SP4: variants seen among roughly 807,000 people sequenced by gnomAD.
SP4 encodes the protein transcription factor Sp4.
SP4 carries 19 observed loss-of-function variants against 72.8 expected under a neutral mutation model. The observed-to-expected ratio is 0.26, with a 90% CI of 0.18 to 0.38. The LOEUF (loss-of-function observed/expected upper bound fraction) is 0.38, where lower values mean the gene tolerates loss of function less well. SP4 is among the 10% of genes least tolerant of loss of function. The pLI is 1.00. For synonymous variants in SP4, 395 were observed against 333.1 expected (o/e 1.19, Z -2.02); for missense variants, 1,008 against 926.3 (o/e 1.09, Z -1.14).
intron 5 of SP4, among the ~76,000 whole-genome samples, chr7:21,495,593 T>C (rs1781685749): frequency 6.6e-6 from 1 of 152,146 alleles, no homozygotes; most frequent in South Asian, 2.1e-4. Flanking sequence ...CATGAGAACA[T>C]GGTAACTGCA....
At chr7:21,449,227 G>C (rs1002432457) in intron 3 of SP4, among the ~76,000 whole-genome samples, 7 of 152,280 alleles carry the variant, frequency 4.6e-5, no homozygotes, top group Non-Finnish European at 1.0e-4. Context: ...CCTGTTCCTT[G>C]TGGTGGAAAC....
intron 3 of SP4, among the ~76,000 whole-genome samples, chr7:21,475,038 C>G (rs984966988): frequency 8.6e-5 from 13 of 151,870 alleles, no homozygotes; most frequent in African/African-American, 2.9e-4. Flanking sequence ...ATTGCCTCTT[C>G]TTGGTTGCCC....
At chr7:21,455,615 T>C (rs954237719) in intron 3 of SP4, among the ~76,000 whole-genome samples, 1 of 152,194 alleles carries the variant, frequency 6.6e-6, no homozygotes, top group African/African-American at 2.4e-5. Flanking sequence ...TTGAGAACAT[T>C]GGAGACACCA....
chr7:21,432,050 C>G (rs1782876400), intron 3 of SP4, among the ~76,000 whole-genome samples: 2 of 152,196 alleles, frequency 1.3e-5, no homozygotes, highest in African/African-American at 4.8e-5. Context: ...GCAGAACTGT[C>G]TGTGATGTTG....
rs1255482922 is a variant in SP4, at chr7:21,511,152, A to G, written c.2238A>G (p.Glu746=). ...GTALAIVTSG[E]LDSSVTEVLG... is the part of the protein sequence containing the mutation. The stretch of plus-strand genomic sequence containing the variant: ...CTCTTGCCATTGTTACCTCGGGAGA[A>G]CTGGACTCATCTGTTACAGAGGTGC... Residue 746 remains glutamate (E), a synonymous_variant, in exon 6 of 6, where the codon GAA becomes GAG. Transcript: ENST00000222584. The G allele has an allele frequency of 1.2e-6, 2 of 1,614,126 alleles. No homozygotes were observed. Among genetic ancestry groups the G allele is most frequent in the Non-Finnish European group, 1.7e-6 (2 of 1,180,046 alleles).
rs769380589 is a variant in SP4 at position 21,430,143 on chromosome 7, C to T, written c.978C>T (p.Thr326=). 6.2e-7 allele frequency: 1 copy of T among 1,614,208 alleles called. No homozygotes were observed. The highest frequency in any genetic ancestry group is 1.1e-5 in the South Asian group (1 of 91,086). ...ESPSSSTTCT[T]TASTSLTSSD... ...CCTCCTCCTCCACTACCTGCACAAC[C>T]ACTGCTTCAACGTCTTTGACAAGCA... Residue 326 remains threonine (T), a synonymous_variant, in exon 3 of 6, where the codon ACC becomes ACT. Transcript: ENST00000222584.
intron 3 of SP4, among the ~76,000 whole-genome samples, chr7:21,471,476 A>G (rs777126830): frequency 2.0e-5 from 3 of 152,196 alleles, no homozygotes; most frequent in Non-Finnish European, 2.9e-5. Flanking sequence ...CAGCTCTGTC[A>G]CTTTTCCATT....
At chr7:21,490,547 A>G (rs188732952) in intron 5 of SP4, among the ~76,000 whole-genome samples, 31 of 152,338 alleles carry the variant, frequency 2.0e-4, no homozygotes, top group African/African-American at 7.0e-4. Flanking sequence ...AGTGCAGAAC[A>G]TTATGGGAGC....
chr7:21,490,623 A>C (rs910741501), intron 5 of SP4, among the ~76,000 whole-genome samples: 1 of 152,204 alleles, frequency 6.6e-6, no homozygotes, highest in African/African-American at 2.4e-5. Context: ...TTGGAAAGGC[A>C]TAGGGGAAAT....
Position 21,430,319 on chromosome 7 carries a change from A to C in SP4, c.1154A>C (p.Asn385Thr), listed in dbSNP as rs970598602. The C allele has an allele frequency of 6.2e-7, 1 of 1,614,232 alleles. No individual in the cohort carries two copies. Among genetic ancestry groups the C allele is most frequent in the South Asian group, 1.1e-5 (1 of 91,084 alleles). The change falls in exon 3 of 6, where the codon AAT becomes ACT. Residue 385 changes from asparagine (N) to threonine (T), a missense_variant. By Grantham distance (65) the Asn-to-Thr change is moderately conservative. Around this residue, in one of 3 missense-constraint regions of SP4, gnomAD observed 893 missense variants for 743.3 expected, o/e 1.20. Transcript: ENST00000222584. ...CAGCTTCAGCCTAATGGAATGCAGA[A>C]TGCACAGGATCAATCAAATTCTCTT... is the stretch of plus-strand genomic sequence containing the variant. ...SSQLQPNGMQ[N>T]AQDQSNSLQQ...
intron 3 of SP4, among the ~76,000 whole-genome samples, chr7:21,447,295 A>AT (rs1438011678): frequency 6.6e-6 from 1 of 152,168 alleles, no homozygotes. Context: ...TATACCAAAG[A>AT]TTTTACCATA....
intron 5 of SP4, among the ~76,000 whole-genome samples, chr7:21,503,133 A>G (rs1781911042): frequency 6.6e-6 from 1 of 151,986 alleles, no homozygotes; most frequent in African/African-American, 2.4e-5. Flanking sequence ...CTTAATCAGC[A>G]CCAAGTTACC....
chr7:21,490,758 C>T (rs1416807667), intron 5 of SP4, among the ~76,000 whole-genome samples: 1 of 152,184 alleles, frequency 6.6e-6, no homozygotes, highest in Non-Finnish European at 1.5e-5. Context: ...AGAACCACAG[C>T]AAAGGCCTCA....
At chr7:21,450,205 A>G (rs1305592772) in intron 3 of SP4, among the ~76,000 whole-genome samples, 1 of 152,132 alleles carries the variant, frequency 6.6e-6, no homozygotes, top group African/African-American at 2.4e-5. Flanking sequence ...AAGATTTTCC[A>G]GGATTTCTGT....
At chr7:21,498,658 T>C (rs988838277) in intron 5 of SP4, among the ~76,000 whole-genome samples, 1 of 152,216 alleles carries the variant, frequency 6.6e-6, no homozygotes, top group Non-Finnish European at 1.5e-5. Flanking sequence ...AATTTGCGTG[T>C]AACTTTTGAC....
At chr7:21,444,071 G>A (rs537169138) in intron 3 of SP4, among the ~76,000 whole-genome samples, 14 of 152,312 alleles carry the variant, frequency 9.2e-5, no homozygotes, top group African/African-American at 3.4e-4. Context: ...TATAGGGCAA[G>A]TAAATGGTTT....
intron 3 of SP4, among the ~76,000 whole-genome samples, chr7:21,474,377 C>G (rs1784433031): frequency 6.6e-6 from 1 of 152,198 alleles, no homozygotes; most frequent in Non-Finnish European, 1.5e-5. Context: ...ACCTGCAGCT[C>G]CATAGGGACC....
chr7:21,428,302 C>G, intron 1 of SP4, 44 bp downstream of exon 1: 1 of 1,069,264 alleles, frequency 9.4e-7, no homozygotes, highest in Non-Finnish European at 1.4e-6. Flanking sequence ...CCGCCTCCCT[C>G]TCTCCCTCCC....
intron 4 of SP4, among the ~76,000 whole-genome samples, chr7:21,479,381 A>G (rs1007384602): frequency 2.0e-5 from 3 of 152,098 alleles, no homozygotes; most frequent in Non-Finnish European, 2.9e-5. Context: ...CCAGTTGTTG[A>G]AAAGACTGTC....
Sources: allele counts gnomAD v4.1 joint callset (sites outside exome capture counted in the v4.1 genomes callset), GRCh38; gene constraint gnomAD v4.1.1; regional missense constraint gnomAD v4.1.1; transcripts MANE v1.5; gene names NCBI Gene and HGNC (gene_info 2026-07-23, HGNC 2026-07-21).